Variants in JADE3 observed in about 807,000 individuals in gnomAD.
The protein encoded by JADE3 is protein Jade-3.
Under a neutral mutation model 50.1 loss-of-function variants are expected in JADE3, and 2 were observed. That is an observed-to-expected ratio of 0.04 (90% confidence interval 0.02 to 0.13). JADE3 has a LOEUF of 0.13. JADE3 is among the 10% of genes least tolerant of loss of function. The pLI, the probability that JADE3 is intolerant of heterozygous loss-of-function variation, is 1.00. For missense variants in JADE3, 475 were observed against 634.4 expected, an observed-to-expected ratio of 0.75 and a Z score of 2.70; for synonymous variants, 218 against 232.9, an observed-to-expected ratio of 0.94 and a Z score of 0.58.
intron 1 of JADE3, among the ~76,000 whole-genome samples, chrX:46,922,458 T>G (rs782053029): frequency 2.7e-5 from 3 of 111,346 alleles, no homozygotes; most frequent in Non-Finnish European, 3.8e-5. Context: ...TGTTCTTTTT[T>G]TTTTCTCTTT....
At chrX:46,985,270 CTAAG>C (rs1927837260) in intron 2 of JADE3, among the ~76,000 whole-genome samples, 1 of 111,795 alleles carries the variant, frequency 8.9e-6, no homozygotes, top group Admixed American at 9.5e-5. Flanking sequence ...AGCTTAGGTA[CTAAG>C]TGTTTGACTG....
intron 1 of JADE3, among the ~76,000 whole-genome samples, chrX:46,940,682 C>G (rs782745151): frequency 9.0e-6 from 1 of 111,205 alleles, no homozygotes; most frequent in Non-Finnish European, 1.9e-5. Context: ...AGAGGCCTTT[C>G]TTCTGAGCCT....
At chrX:47,027,845 A>C in intron 5 of JADE3, 47 bp from the exon 6 acceptor site, 2 of 1,084,464 alleles carry the variant, frequency 1.8e-6, no homozygotes, top group South Asian at 1.9e-5. Context: ...TGTTTTGGGA[A>C]TGACAGCTGA....
chrX:46,970,927 G>A (rs1378882306), intron 1 of JADE3, among the ~76,000 whole-genome samples: 2 of 110,443 alleles, frequency 1.8e-5, no homozygotes, highest in South Asian at 3.9e-4. Context: ...TTTTTAAATC[G>A]TTTGAGTTTC....
intron 8 of JADE3, among the ~76,000 whole-genome samples, chrX:47,041,758 C>T (rs1202510600): frequency 2.8e-5 from 3 of 108,726 alleles, no homozygotes; most frequent in Non-Finnish European, 5.7e-5. Flanking sequence ...TCACTGCAAC[C>T]TCTGCCTCCT....
chrX:47,033,132 A>G (rs782430411), intron 6 of JADE3, among the ~76,000 whole-genome samples: 1 of 112,360 alleles, frequency 8.9e-6, no homozygotes, highest in African/African-American at 3.2e-5. Context: ...TTTACTGAGT[A>G]CTTTTTATGC....
chrX:47,044,080 T>A (rs1403837886), intron 8 of JADE3, among the ~76,000 whole-genome samples: 1 of 110,146 alleles, frequency 9.1e-6, no homozygotes, highest in Non-Finnish European at 1.9e-5. Context: ...AAAGAGGAGG[T>A]AGAGAGAGAG....
intron 4 of JADE3, among the ~76,000 whole-genome samples, chrX:47,023,124 A>G (rs992002721): frequency 2.5e-4 from 28 of 111,606 alleles, no homozygotes; most frequent in African/African-American, 5.2e-4. Flanking sequence ...TTTCCCTTCA[A>G]CTTTTAAGTT....
At chrX:46,988,277 A>G (rs961888564) in intron 3 of JADE3, among the ~76,000 whole-genome samples, 5 of 110,076 alleles carry the variant, frequency 4.5e-5, no homozygotes, top group African/African-American at 1.7e-4. Flanking sequence ...GAAGTAATAT[A>G]CTCTTGTTCT....
chrX:47,058,582 T>A lies in JADE3; in HGVS notation c.1977T>A (p.Pro659=). The change falls in exon 11 of 11, where the codon CCT becomes CCA. Residue 659 remains proline, a synonymous_variant. Coordinates refer to ENST00000614628, the MANE Select transcript of JADE3 (RefSeq NM_014735.5). ...CCATTGGGAATGGGAAAAGTCAGCC[T>A]AACTCCAAGTTTGCCAAATCCAATG... ...QSSIGNGKSQ[P]NSKFAKSNGL... is the part of the protein sequence containing the mutation. The A allele has an allele frequency of 8.3e-7, 1 of 1,210,865 alleles. No individual in the cohort carries two copies. Among genetic ancestry groups the A allele is most frequent in the Non-Finnish European group, 1.1e-6 (1 of 895,146 alleles).
At position 47,059,763 on chromosome X, in the gene JADE3, T is replaced by TTACAAAAG. The variant is rs1301094914; in HGVS notation, c.*698_*705dup. 1 of 112,230 alleles carries TTACAAAAG rather than the reference T, an allele frequency of 8.9e-6. No individual in the cohort carries two copies. Among genetic ancestry groups the TTACAAAAG allele is most frequent in the East Asian group, 2.8e-4 (1 of 3,570 alleles). The allele number at this position is 112,230 out of a possible 1,213,427, so 9.2% of individuals were successfully genotyped here. On this transcript the variant is annotated 3_prime_UTR_variant, in exon 11 of 11. Transcript: ENST00000614628. Reference sequence around the variant, plus strand: ...TAAAAGGCTAACTTGTGGATAGTGTTTACAAAAGTACAAAAGTACTACTTC... The same window carrying TTACAAAAG: ...TAAAAGGCTAACTTGTGGATAGTGTTTACAAAAGTACAAAAGTACAAAAGTACTACTTC...
At chrX:47,015,933 C>A (rs1274630492) in intron 4 of JADE3, among the ~76,000 whole-genome samples, 1 of 110,287 alleles carries the variant, frequency 9.1e-6, no homozygotes, top group Non-Finnish European at 1.9e-5. Flanking sequence ...GCACATGTCT[C>A]CATCCAATGT....
rs5952408 is a variant in JADE3, at chrX:46,934,115, T to C, written c.-12+21396T>C. Among the ~76,000 whole-genome samples the C allele has an allele frequency of 3.2e-3, 352 of 111,684 alleles. 2 individuals carry two copies. Among genetic ancestry groups the C allele is most frequent in the African/African-American group, 0.011 (328 of 30,740 alleles). ...ACTTGGCTTTTCATTGTCTTAATGG[T>C]GTCATTCACTAAGCAAGATTTTCAT... is the stretch of plus-strand genomic sequence containing the variant. On this transcript the variant is annotated intron_variant, in intron 1 of 10. Transcript: ENST00000614628.
intron 1 of JADE3, among the ~76,000 whole-genome samples, chrX:46,976,015 A>G (rs1443290805): frequency 9.0e-6 from 1 of 110,830 alleles, no homozygotes; most frequent in Non-Finnish European, 1.9e-5. Flanking sequence ...GGCGTGAACC[A>G]CCGTGCCCAG....
intron 3 of JADE3, among the ~76,000 whole-genome samples, chrX:46,993,885 A>G (rs1448291593): frequency 1.8e-5 from 2 of 111,778 alleles, no homozygotes; most frequent in Non-Finnish European, 3.8e-5. Flanking sequence ...TTTTTTGCCT[A>G]AAGATTGTAT....
chrX:46,960,021 A>G (rs1357079190), intron 1 of JADE3, among the ~76,000 whole-genome samples: 2 of 111,434 alleles, frequency 1.8e-5, no homozygotes, highest in East Asian at 5.6e-4. Context: ...TATGGACACC[A>G]CAATATCTAT....
At chrX:47,021,620 G>A (rs1199409904) in intron 4 of JADE3, among the ~76,000 whole-genome samples, 1 of 111,817 alleles carries the variant, frequency 8.9e-6, no homozygotes, top group Admixed American at 9.6e-5. Context: ...TTTTTGGACA[G>A]TCTTTTTAAG....
chrX:47,050,103 T>C (rs1422073481), intron 8 of JADE3, among the ~76,000 whole-genome samples: 5 of 109,183 alleles, frequency 4.6e-5, no homozygotes, highest in African/African-American at 1.3e-4. Context: ...TCTGCTAGTT[T>C]TTTTATTTTT....
intron 1 of JADE3, among the ~76,000 whole-genome samples, chrX:46,964,920 G>A (rs1035216295): frequency 1.8e-5 from 2 of 112,177 alleles, no homozygotes; most frequent in Admixed American, 9.4e-5. Flanking sequence ...TGCTGACCCC[G>A]ATCTAAAAGG....
Sources: gnomAD v4.1 joint callset for allele counts (sites outside exome capture counted in the v4.1 genomes callset) on GRCh38, gnomAD v4.1.1 for gene constraint, MANE v1.5 for transcripts, NCBI Gene and HGNC (gene_info 2026-07-23, HGNC 2026-07-21) for gene names.